The following SLC14A2 variants were observed in gnomAD, a reference collection of about 807,000 sequenced individuals.
The protein encoded by SLC14A2 is urea transporter 2.
In SLC14A2, 91 loss-of-function variants were observed where a neutral mutation model predicts 104.6. The observed-to-expected ratio is 0.87, with a 90% confidence interval of 0.73 to 1.04. The LOEUF (loss-of-function observed/expected upper bound fraction) is 1.04, where lower values mean the gene tolerates loss of function less well. SLC14A2 is among the 50% of genes least tolerant of loss of function. The pLI, the probability that SLC14A2 is intolerant of heterozygous loss-of-function variation, is 0.00. For synonymous variants in SLC14A2, 476 were observed against 466.4 expected, an observed-to-expected ratio of 1.02 and a Z score of -0.27; for missense variants, 1,189 against 1,156.0, an observed-to-expected ratio of 1.03 and a Z score of -0.41.
At chr18:45,387,983 T>C (rs2085916809) in intron 1 of SLC14A2, among the ~76,000 whole-genome samples, 1 of 151,792 alleles carries the variant, frequency 6.6e-6, no homozygotes, top group South Asian at 2.1e-4. Flanking sequence ...AAGGAGGTCA[T>C]TATTTAAAGG....
intron 2 of SLC14A2, among the ~76,000 whole-genome samples, chr18:45,525,834 G>A (rs1460916028): frequency 2.6e-5 from 4 of 152,156 alleles, no homozygotes; most frequent in Non-Finnish European, 5.9e-5. Flanking sequence ...AAATTTGCAG[G>A]AGATGTGCTG....
intron 2 of SLC14A2, among the ~76,000 whole-genome samples, chr18:45,596,478 T>C (rs2044719885): frequency 6.6e-6 from 1 of 152,162 alleles, no homozygotes; most frequent in Non-Finnish European, 1.5e-5. Context: ...CCAATGGGAA[T>C]TACCCAGGAG....
intron 18 of SLC14A2, among the ~76,000 whole-genome samples, chr18:45,674,610 A>T (rs953308838): frequency 3.5e-5 from 5 of 143,678 alleles, no homozygotes; most frequent in Non-Finnish European, 7.7e-5. Flanking sequence ...GTAGTTACTT[A>T]AAAAAAAAAA....
chr18:45,315,026 A>G (rs1226422351), intron 1 of SLC14A2, among the ~76,000 whole-genome samples: 2 of 152,188 alleles, frequency 1.3e-5, no homozygotes, highest in African/African-American at 2.4e-5. Flanking sequence ...TAGTCTACAA[A>G]TGCTGGGCTG....
chr18:45,428,604 G>A (rs988015505), intron 1 of SLC14A2, among the ~76,000 whole-genome samples: 1 of 152,152 alleles, frequency 6.6e-6, no homozygotes, highest in Non-Finnish European at 1.5e-5. Context: ...TACCCCACTA[G>A]TTGGTCCTAA....
At chr18:45,392,153 A>C (rs1452107233) in intron 1 of SLC14A2, among the ~76,000 whole-genome samples, 1 of 152,238 alleles carries the variant, frequency 6.6e-6, no homozygotes, top group Non-Finnish European at 1.5e-5. Context: ...GTGCTGCATT[A>C]CCTCCTTGGA....
chr18:45,357,066 G>A (rs2085561515), intron 1 of SLC14A2, among the ~76,000 whole-genome samples: 1 of 152,146 alleles, frequency 6.6e-6, no homozygotes, highest in Admixed American at 6.6e-5. Context: ...TAGAAGCATA[G>A]GGACTTTTAT....
At chr18:45,619,107 C>G (rs1009112553) in intron 1 of SLC14A2, among the ~76,000 whole-genome samples, 19 of 152,226 alleles carry the variant, frequency 1.2e-4, no homozygotes, top group Non-Finnish European at 2.6e-4. Flanking sequence ...CTGCTGACAT[C>G]TCTCCCATGC....
intron 1 of SLC14A2, among the ~76,000 whole-genome samples, chr18:45,213,999 C>T (rs2083985167): frequency 6.6e-6 from 1 of 152,162 alleles, no homozygotes; most frequent in Non-Finnish European, 1.5e-5. Flanking sequence ...TAAGCATTCC[C>T]CACCTGCCAG....
At chr18:45,396,345 A>T (rs905621552) in intron 1 of SLC14A2, among the ~76,000 whole-genome samples, 1 of 152,196 alleles carries the variant, frequency 6.6e-6, no homozygotes, top group South Asian at 2.1e-4. Flanking sequence ...GCAGAGTCCC[A>T]TGGAACTCTA....
chr18:45,475,657 A>T (rs1235434736), intron 1 of SLC14A2, among the ~76,000 whole-genome samples: 8 of 64,362 alleles, frequency 1.2e-4, no homozygotes, highest in East Asian at 5.5e-4. Flanking sequence ...ATATATATAT[A>T]TATATATATA....
At chr18:45,371,925 T>A (rs1258800479) in intron 1 of SLC14A2, among the ~76,000 whole-genome samples, 1 of 152,182 alleles carries the variant, frequency 6.6e-6, no homozygotes, top group Non-Finnish European at 1.5e-5. Flanking sequence ...CAGAGTTAAG[T>A]GTTCTTGAAA....
At chr18:45,595,482 A>C (rs1442788161) in intron 2 of SLC14A2, among the ~76,000 whole-genome samples, 3 of 151,920 alleles carry the variant, frequency 2.0e-5, no homozygotes, top group Non-Finnish European at 4.4e-5. Flanking sequence ...CACTTTTGCC[A>C]CTGCATTTAG....
intron 2 of SLC14A2, among the ~76,000 whole-genome samples, chr18:45,540,369 C>A (rs1035633315): frequency 1.3e-5 from 2 of 152,176 alleles, no homozygotes; most frequent in African/African-American, 4.8e-5. Flanking sequence ...TGCTGCTGAG[C>A]CTTACTCCAA....
intron 1 of SLC14A2, among the ~76,000 whole-genome samples, chr18:45,228,812 G>T (rs1307782381): frequency 6.6e-6 from 1 of 152,128 alleles, no homozygotes; most frequent in Non-Finnish European, 1.5e-5. Flanking sequence ...GTAAGCTTAG[G>T]ACCTTGACAG....
intron 2 of SLC14A2, among the ~76,000 whole-genome samples, chr18:45,524,728 A>T (rs1350844897): frequency 2.6e-5 from 4 of 152,208 alleles, no homozygotes; most frequent in Non-Finnish European, 1.5e-5. Context: ...GAAAACACAC[A>T]GGTGTAGACC....
intron 2 of SLC14A2, among the ~76,000 whole-genome samples, chr18:45,516,857 A>T: frequency 6.6e-6 from 1 of 152,218 alleles, no homozygotes; most frequent in East Asian, 1.9e-4. Flanking sequence ...GCACCAGGAG[A>T]CACACTGCTC....
In SLC14A2 at chr18:45,394,373, A is replaced by G. The variant is rs905941504; in HGVS notation, c.-124-88860A>G. Among the ~76,000 whole-genome samples, 6 of 152,294 alleles carry G rather than the reference A, an allele frequency of 3.9e-5. No individual in the cohort carries two copies. The South Asian group carries it at 1.2e-3, about 32-fold the overall frequency. ...TCCTTAAAATCGTATGTAAATTGAA[A>G]ATAGACAGACTCTGAATCCAGCCAT... On this transcript the variant is annotated intron_variant, in intron 1 of 20. Transcript: ENST00000586448.
chr18:45,533,830 G>T (rs949763031), intron 2 of SLC14A2, among the ~76,000 whole-genome samples: 2 of 152,034 alleles, frequency 1.3e-5, no homozygotes, highest in African/African-American at 4.8e-5. Flanking sequence ...TCTCTTGTGG[G>T]CATTTAGTGC....
Sources: allele counts gnomAD v4.1 joint callset (sites outside exome capture counted in the v4.1 genomes callset), GRCh38; gene constraint gnomAD v4.1.1; transcripts MANE v1.5; gene names NCBI Gene and HGNC (gene_info 2026-07-23, HGNC 2026-07-21).